The following SLC44A1 variants were observed in gnomAD, a reference collection of about 807,000 sequenced individuals.
SLC44A1 encodes solute carrier family 44 member 1, also known as choline transporter-like protein 1.
SLC44A1 carries 26 observed loss-of-function variants against 79.3 expected under a neutral mutation model. The observed-to-expected ratio is 0.33, with a 90% CI of 0.24 to 0.46. The LOEUF (loss-of-function observed/expected upper bound fraction) is 0.46. SLC44A1 is among the 20% of genes least tolerant of loss of function. The probability of loss-of-function intolerance (pLI) is 1.00; values close to 1 mark genes in which losing one functional copy is unlikely to be tolerated. For synonymous variants in SLC44A1, 263 were observed against 286.2 expected (o/e 0.92, Z 0.82); for missense variants, 688 against 798.1 (o/e 0.86, Z 1.66).
Position 105,389,180 on chromosome 9 carries a change from T to C in SLC44A1, c.*124T>C, listed in dbSNP as rs1047190070. On this transcript the variant is annotated 3_prime_UTR_variant, in exon 16 of 16. Transcript: ENST00000374720. The stretch of plus-strand genomic sequence containing the variant: ...ATGTGTGTATATATGTATATGTATA[T>C]ACACACACACACATAAATCAGCCAA... 7 of 1,420,692 alleles carry C rather than the reference T, an allele frequency of 4.9e-6. No homozygotes were observed. Among genetic ancestry groups the C allele is most frequent in the Admixed American group, 4.1e-5 (2 of 48,740 alleles). 88.0% of individuals were successfully genotyped at this position (1,420,692 alleles called of 1,614,324 possible).
chr9:105,403,531 C>T (rs935947994), intron 15 of SLC44A1, among the ~76,000 whole-genome samples: 9 of 151,562 alleles, frequency 5.9e-5, no homozygotes, highest in Middle Eastern at 3.4e-3. Context: ...ATTTCGGATA[C>T]ATTCACTGAG....
intron 7 of SLC44A1, 50 bp from the exon 8 acceptor site, chr9:105,361,141 C>A (rs763701411): frequency 2.6e-6 from 4 of 1,562,000 alleles, no homozygotes; most frequent in Non-Finnish European, 3.5e-6. Flanking sequence ...TTATGTTACA[C>A]ATTTTCTTAT....
intron 3 of SLC44A1, among the ~76,000 whole-genome samples, chr9:105,320,246 A>G (rs1307760736): frequency 6.9e-6 from 1 of 143,948 alleles, no homozygotes; most frequent in Non-Finnish European, 1.5e-5. Flanking sequence ...AACACAGTTT[A>G]TCTGTTCACT....
At chr9:105,346,391 C>T (rs1417877715) in intron 4 of SLC44A1, among the ~76,000 whole-genome samples, 3 of 152,118 alleles carry the variant, frequency 2.0e-5, no homozygotes, top group Non-Finnish European at 1.5e-5. Context: ...ATTATGCTAA[C>T]TGAATTCAGA....
At chr9:105,399,565 A>G (rs1246145803), downstream of SLC44A1, among the ~76,000 whole-genome samples, 1 of 152,250 alleles carries the variant, frequency 6.6e-6, no homozygotes, top group Non-Finnish European at 1.5e-5. Flanking sequence ...TAAGAATCCC[A>G]GGCTAGGCAT....
chr9:105,259,436 CAATA>C (rs1308769807), intron 1 of SLC44A1, among the ~76,000 whole-genome samples: 1 of 152,108 alleles, frequency 6.6e-6, no homozygotes, highest in Non-Finnish European at 1.5e-5. Flanking sequence ...AAAATGGCCT[CAATA>C]AAGTTGACTC....
intron 3 of SLC44A1, among the ~76,000 whole-genome samples, chr9:105,315,259 G>A (rs1035030261): frequency 4.6e-5 from 6 of 130,774 alleles, no homozygotes; most frequent in African/African-American, 1.7e-4. Flanking sequence ...GATGAACTGC[G>A]TTTTTTTGTT....
chr9:105,309,672 T>C, intron 2 of SLC44A1, 52 bp from the exon 3 acceptor site: 2 of 1,547,896 alleles, frequency 1.3e-6, no homozygotes, highest in Non-Finnish European at 1.8e-6. Flanking sequence ...AACTAGTGAC[T>C]GTTGGCTATT....
chr9:105,313,804 G>A (rs1194237243), intron 3 of SLC44A1, among the ~76,000 whole-genome samples: 1 of 151,982 alleles, frequency 6.6e-6, no homozygotes, highest in African/African-American at 2.4e-5. Flanking sequence ...TGTCACCCAG[G>A]CTGGAGTGCA....
At chr9:105,377,013 G>A (rs1041876331) in intron 13 of SLC44A1, among the ~76,000 whole-genome samples, 1 of 152,072 alleles carries the variant, frequency 6.6e-6, no homozygotes, top group Non-Finnish European at 1.5e-5. Flanking sequence ...TTGTCCTTGG[G>A]CCTTTTTAAA....
chr9:105,300,821 TGCTGGAGTGCATGGTGTGATCTCG>T (rs569371351), intron 2 of SLC44A1, among the ~76,000 whole-genome samples: 131 of 151,598 alleles, frequency 8.6e-4, no homozygotes, highest in African/African-American at 2.5e-3. Context: ...TTGTTGCCCA[TGCTGGAGTGCATGGTGTGATCTCG>T]GCTCACTGCA....
At chr9:105,284,279 T>A (rs1830425928) in intron 1 of SLC44A1, among the ~76,000 whole-genome samples, 1 of 150,042 alleles carries the variant, frequency 6.7e-6, no homozygotes, top group Non-Finnish European at 1.5e-5. Flanking sequence ...TTGCCCAGGC[T>A]GGTCTTGAAC....
chr9:105,246,832 G>T (rs1829464631), intron 1 of SLC44A1, among the ~76,000 whole-genome samples: 1 of 152,202 alleles, frequency 6.6e-6, no homozygotes, highest in Non-Finnish European at 1.5e-5. Context: ...AACCGATAGT[G>T]GGTCTTGCAT....
At chr9:105,423,048 G>A (rs948520627) in intron 15 of SLC44A1, among the ~76,000 whole-genome samples, 1 of 152,358 alleles carries the variant, frequency 6.6e-6, no homozygotes, top group Non-Finnish European at 1.5e-5. Flanking sequence ...CGGAAGGAAA[G>A]AGGGAGGGAG....
chr9:105,305,614 T>C (rs1214498829), intron 2 of SLC44A1, among the ~76,000 whole-genome samples: 1 of 152,166 alleles, frequency 6.6e-6, no homozygotes, highest in Non-Finnish European at 1.5e-5. Flanking sequence ...AGAGTCAATA[T>C]ATGTTTTCAT....
At chr9:105,304,510 C>T (rs1035027096) in intron 2 of SLC44A1, among the ~76,000 whole-genome samples, 8 of 152,060 alleles carry the variant, frequency 5.3e-5, no homozygotes, top group Non-Finnish European at 1.0e-4. Context: ...TTTTAATCTG[C>T]TTTTGCTTTA....
Position 105,304,944 on chromosome 9 carries a change from G to GTTTTTTTTTGT in SLC44A1, c.127-4771_127-4770insGTTTTTTTTTT, listed in dbSNP as rs1554790127. 1.6e-3 allele frequency among the ~76,000 whole-genome samples: 32 copies of GTTTTTTTTTGT among 20,078 alleles called. 14 individuals carry two copies. The highest frequency in any genetic ancestry group is 5.4e-3 in the Admixed American group (8 of 1,474). The allele number at this position is 20,078 out of a possible 152,430, so 13.2% of individuals were successfully genotyped here. A position where few individuals can be genotyped will look rare whatever the true frequency, so the allele number is the denominator to read the frequency against. The stretch of plus-strand genomic sequence containing the variant: ...GTAGTTATTCCCTAGACTTTCTATC[G>GTTTTTTTTTGT]TTTTTTTTTTTTTTTTTTTTTTTTT... On this transcript the variant is annotated intron_variant, in intron 2 of 15. Transcript: ENST00000374720.
intron 15 of SLC44A1, among the ~76,000 whole-genome samples, chr9:105,388,346 T>G (rs1007016860): frequency 6.6e-6 from 1 of 152,236 alleles, no homozygotes; most frequent in Admixed American, 6.5e-5. Flanking sequence ...TAGGATTGCT[T>G]ATTTGTATTT....
intron 1 of SLC44A1, among the ~76,000 whole-genome samples, chr9:105,267,170 A>T (rs552794927): frequency 6.6e-6 from 1 of 152,330 alleles, no homozygotes; most frequent in African/African-American, 2.4e-5. Flanking sequence ...TAGGTTGGAA[A>T]TTATTTTTCC....
Sources: allele counts gnomAD v4.1 joint callset (sites outside exome capture counted in the v4.1 genomes callset), GRCh38; gene constraint gnomAD v4.1.1; transcripts MANE v1.5; gene names NCBI Gene and HGNC (gene_info 2026-07-23, HGNC 2026-07-21).